Variants in ELAPOR2 observed in about 807,000 individuals in gnomAD.
The protein encoded by ELAPOR2 is endosome/lysosome-associated apoptosis and autophagy regulator family member 2.
Under a neutral mutation model 120.7 loss-of-function variants are expected in ELAPOR2, and 89 were observed. The ratio of observed to expected loss-of-function variants is 0.74; its 90% CI spans 0.62 to 0.88. ELAPOR2 has a LOEUF of 0.88. Among genes scored for constraint, ELAPOR2 ranks in the 40% least tolerant of loss-of-function variants. The pLI, the probability that ELAPOR2 is intolerant of heterozygous loss-of-function variation, is 0.00. For synonymous variants in ELAPOR2, 444 were observed against 444.9 expected, an observed-to-expected ratio of 1.00 and a Z score of 0.03; for missense variants, 1,134 against 1,251.6, an observed-to-expected ratio of 0.91 and a Z score of 1.42.
At chr7:86,896,041 A>AGC (rs1304411991) in intron 19 of ELAPOR2, among the ~76,000 whole-genome samples, 2 of 152,122 alleles carry the variant, frequency 1.3e-5, no homozygotes. Context: ...TAGCTGAGTG[A>AGC]GCGGCACTGA....
At chr7:86,974,105 A>G (rs1470521570) in intron 1 of ELAPOR2, among the ~76,000 whole-genome samples, 14 of 152,084 alleles carry the variant, frequency 9.2e-5, no homozygotes, top group Admixed American at 9.2e-4. Context: ...ATAATTTTCC[A>G]AAAAGGGAAA....
chr7:87,008,724 T>C (rs1319917077), intron 1 of ELAPOR2, among the ~76,000 whole-genome samples: 1 of 152,144 alleles, frequency 6.6e-6, no homozygotes, highest in East Asian at 1.9e-4. Context: ...TATTTAGTGA[T>C]GAAGGGCCAT....
intron 3 of ELAPOR2, among the ~76,000 whole-genome samples, chr7:86,945,974 C>T (rs1790984758): frequency 6.6e-6 from 1 of 151,788 alleles, no homozygotes; most frequent in Non-Finnish European, 1.5e-5. Context: ...CACATAAGAA[C>T]CCATGCCCAG....
chr7:87,056,723 G>T (rs1795274959), intron 1 of ELAPOR2, among the ~76,000 whole-genome samples: 1 of 152,100 alleles, frequency 6.6e-6, no homozygotes, highest in Non-Finnish European at 1.5e-5. Context: ...TTTTTGAAGG[G>T]CCTTTTTTCT....
intron 2 of ELAPOR2, among the ~76,000 whole-genome samples, chr7:86,948,848 A>G (rs1791115486): frequency 6.6e-6 from 1 of 152,188 alleles, no homozygotes; most frequent in South Asian, 2.1e-4. Context: ...GGGCTTTCTA[A>G]TCCTTTAATC....
intron 2 of ELAPOR2, among the ~76,000 whole-genome samples, chr7:86,949,891 C>G (rs1376110404): frequency 6.6e-6 from 1 of 152,226 alleles, no homozygotes. Flanking sequence ...GGCATAGAGT[C>G]TCCTGGATGG....
chr7:86,965,992 CTG>C (rs1298911702), intron 1 of ELAPOR2: 1 of 983,918 alleles, frequency 1.0e-6, no homozygotes, highest in African/African-American at 1.7e-5. Flanking sequence ...CTAACAATGA[CTG>C]TCCTAATTTT....
At chr7:87,045,467 A>G (rs1794922136) in intron 1 of ELAPOR2, among the ~76,000 whole-genome samples, 1 of 151,410 alleles carries the variant, frequency 6.6e-6, no homozygotes, top group Non-Finnish European at 1.5e-5. Flanking sequence ...AGGGACATGG[A>G]TGAAATTGGA....
intron 8 of ELAPOR2, among the ~76,000 whole-genome samples, chr7:86,928,401 T>C (rs1790172870): frequency 6.6e-6 from 1 of 152,042 alleles, no homozygotes; most frequent in African/African-American, 2.4e-5. Flanking sequence ...CAAATCCTAC[T>C]TAATTCCCTA....
At chr7:86,880,616 G>C in intron 21 of ELAPOR2, 86 bp from the exon 22 acceptor site, 1 of 868,640 alleles carries the variant, frequency 1.2e-6, no homozygotes, top group East Asian at 2.5e-5. Context: ...GAAAGTTCCA[G>C]AAATCATTTT....
At chr7:87,035,087 C>CAA (rs1167618353) in intron 1 of ELAPOR2, among the ~76,000 whole-genome samples, 4 of 83,322 alleles carry the variant, frequency 4.8e-5, no homozygotes, top group East Asian at 3.3e-4. Context: ...AACTCCGTCT[C>CAA]AAAAAAAAAA....
At chr7:86,985,124 G>T (rs1160759489) in intron 1 of ELAPOR2, among the ~76,000 whole-genome samples, 2 of 152,088 alleles carry the variant, frequency 1.3e-5, no homozygotes, top group African/African-American at 4.8e-5. Context: ...ACCCTCCCAA[G>T]ACAAAACCAG....
At chr7:86,912,348 T>TA in intron 14 of ELAPOR2, 103 bp from the exon 15 acceptor site, 5 of 650,228 alleles carry the variant, frequency 7.7e-6, no homozygotes, top group Non-Finnish European at 1.3e-5. Flanking sequence ...TTCCAGTAAT[T>TA]TAGTCTTAGC....
In ELAPOR2 at chr7:86,938,147, A is replaced by C; in HGVS notation, c.1068T>G (p.Thr356=). The change falls in exon 8 of 22, where the codon ACT becomes ACG. Residue 356 remains threonine (T), a synonymous_variant. Transcript: ENST00000450689. Reference sequence around the variant, plus strand: ...GTACCTTTCCTTCTTCATCACATGGAGTATGGATCTGGAAATAGTCTTTTG... The same window carrying C: ...GTACCTTTCCTTCTTCATCACATGGCGTATGGATCTGGAAATAGTCTTTTG... ...CTTKDYFQIH[T]PCDEEGKTQI... 1 of 1,551,408 alleles carries C rather than the reference A, an allele frequency of 6.4e-7. No homozygotes were observed. Among genetic ancestry groups the C allele is most frequent in the Non-Finnish European group, 8.7e-7 (1 of 1,146,172 alleles).
At chr7:86,906,841 C>T (rs966204025) in intron 18 of ELAPOR2, among the ~76,000 whole-genome samples, 2 of 151,742 alleles carry the variant, frequency 1.3e-5, no homozygotes, top group African/African-American at 2.4e-5. Flanking sequence ...CCAGCTTGGG[C>T]AATGTAGGGA....
At chr7:86,975,893 G>T (rs1057429489) in intron 1 of ELAPOR2, among the ~76,000 whole-genome samples, 1 of 152,132 alleles carries the variant, frequency 6.6e-6, no homozygotes, top group Non-Finnish European at 1.5e-5. Flanking sequence ...CTGAAGGTGG[G>T]CCAAATCAGG....
chr7:87,040,079 G>A (rs1034213530), intron 1 of ELAPOR2, among the ~76,000 whole-genome samples: 9 of 152,232 alleles, frequency 5.9e-5, no homozygotes, highest in East Asian at 1.9e-4. Context: ...AAAACACGGC[G>A]CACCACAAGA....
chr7:86,982,941 A>G (rs1428443194), intron 1 of ELAPOR2, among the ~76,000 whole-genome samples: 2 of 152,242 alleles, frequency 1.3e-5, no homozygotes, highest in Non-Finnish European at 2.9e-5. Flanking sequence ...AACCTTGAAA[A>G]AAGATTAGAT....
chr7:86,944,909 A>G lies in ELAPOR2; in HGVS notation c.644T>C (p.Phe215Ser). Residue 215 changes from phenylalanine to serine, a missense_variant, in exon 4 of 22, where the codon TTT becomes TCT. This residue lies in a region of ELAPOR2 where 280 missense variants were observed against 331.5 expected (regional missense o/e 0.84). Coordinates refer to ENST00000450689, the MANE Select transcript of ELAPOR2 (RefSeq NM_001142749.3). The part of the protein sequence containing the change: ...EYQYVDNNIF[F>S]EFFIQNDQCQ... ...TACAAAAGGTCTTACAAAGAACTCA[A>G]AGAAGATGTTGTTGTCGACATACTG... 2 of 1,543,688 alleles carry G rather than the reference A, an allele frequency of 1.3e-6. No homozygotes were observed. The highest frequency in any genetic ancestry group is 1.2e-5 in the South Asian group (1 of 81,860).
Sources: gnomAD v4.1 joint callset for allele counts (sites outside exome capture counted in the v4.1 genomes callset) on GRCh38, gnomAD v4.1.1 for gene constraint, gnomAD v4.1.1 regional missense constraint, MANE v1.5 for transcripts, NCBI Gene and HGNC (gene_info 2026-07-23, HGNC 2026-07-21) for gene names.